The following RAMP1 variants were observed in gnomAD, a reference collection of about 807,000 sequenced individuals.
RAMP1 encodes receptor activity-modifying protein 1.
In RAMP1, 7 loss-of-function variants were observed where a neutral mutation model predicts 8.2. The ratio of observed to expected loss-of-function variants is 0.85; its 90% CI spans 0.49 to 1.60. The LOEUF is 1.60. Among genes scored for constraint, RAMP1 ranks in the 40% most tolerant of loss-of-function variants. RAMP1 has a pLI of 0.00. For synonymous variants in RAMP1, 92 were observed against 84.7 expected (o/e 1.09, Z -0.47); for missense variants, 192 against 202.4 (o/e 0.95, Z 0.31).
chr2:237,879,771 A>G lies in RAMP1; in HGVS notation c.191+2409A>G, dbSNP rs561359835. 2.3e-3 allele frequency among the ~76,000 whole-genome samples: 338 copies of G among 149,460 alleles called. 1 individual carries two copies. Among genetic ancestry groups the G allele is most frequent in the African/African-American group, 8.0e-3 (327 of 40,926 alleles). ...TTGGGAGGTCAAGGCGGGTGGATCA[A>G]CTGAGGTCAGGAGTTCCAGACCAGC... On this transcript the variant is annotated intron_variant, in intron 2 of 2. Coordinates refer to ENST00000254661, the MANE Select transcript of RAMP1 (RefSeq NM_005855.4).
intron 2 of RAMP1, among the ~76,000 whole-genome samples, chr2:237,897,700 G>T (rs750788044): frequency 4.6e-5 from 7 of 151,352 alleles, no homozygotes; most frequent in Admixed American, 2.6e-4. Context: ...ACAGATCCAC[G>T]TGTCTTAGTG....
rs2062181501 is a variant in RAMP1 at position 237,865,746 on chromosome 2, A to C, written c.52+6019A>C. Among the ~76,000 whole-genome samples, 1 of 152,142 alleles carries C rather than the reference A, an allele frequency of 6.6e-6. No individual in the cohort carries two copies. The highest frequency in any genetic ancestry group is 6.5e-5 in the Admixed American group (1 of 15,274). On this transcript the variant is annotated intron_variant, in intron 1 of 2. Coordinates refer to ENST00000254661, the MANE Select transcript of RAMP1 (RefSeq NM_005855.4). The surrounding 1 kb of genome is among the most constrained non-coding windows in gnomAD (Gnocchi z 4.2). ...GGAGGGGTGACCGGTGAGAGTGGGTAGAAACAGGCCCAGGCTCCTTGTGAG... is the reference window on the plus strand; with the variant it reads ...GGAGGGGTGACCGGTGAGAGTGGGTCGAAACAGGCCCAGGCTCCTTGTGAG...
chr2:237,896,947 CCT>C, intron 2 of RAMP1, among the ~76,000 whole-genome samples: 1 of 152,314 alleles, frequency 6.6e-6, no homozygotes, highest in African/African-American at 2.4e-5. Context: ...CTGCACCCAG[CCT>C]CTTAGACTTT....
At chr2:237,896,536 A>G (rs2062544243) in intron 2 of RAMP1, among the ~76,000 whole-genome samples, 1 of 152,232 alleles carries the variant, frequency 6.6e-6, no homozygotes, top group African/African-American at 2.4e-5. Context: ...GGACCTCCCC[A>G]TCACCTCAGC....
intron 1 of RAMP1, among the ~76,000 whole-genome samples, chr2:237,870,175 C>A (rs2062230773): frequency 6.6e-6 from 1 of 152,224 alleles, no homozygotes; most frequent in South Asian, 2.1e-4. Flanking sequence ...TTTGGATGTT[C>A]CCCGGAGTCA....
chr2:237,887,966 T>TA (rs1199924238), intron 2 of RAMP1, among the ~76,000 whole-genome samples: 1 of 152,048 alleles, frequency 6.6e-6, no homozygotes, highest in Admixed American at 6.5e-5. Flanking sequence ...TTTGTTTTTT[T>TA]AAAAAAGATT....
At chr2:237,909,809 G>A (rs1297831206) in intron 2 of RAMP1, among the ~76,000 whole-genome samples, 2 of 152,148 alleles carry the variant, frequency 1.3e-5, no homozygotes, top group Admixed American at 6.5e-5. Context: ...AACAGATGGC[G>A]TTTGCTCTCC....
intron 2 of RAMP1, among the ~76,000 whole-genome samples, chr2:237,910,585 A>G (rs959185263): frequency 6.8e-6 from 1 of 148,032 alleles, no homozygotes; most frequent in Admixed American, 6.6e-5. Context: ...TTACACAGTC[A>G]CACAGAATAA....
At chr2:237,859,906 C>A in intron 1 of RAMP1, 179 bp downstream of exon 1, 1 of 553,828 alleles carries the variant, frequency 1.8e-6, no homozygotes, top group Non-Finnish European at 2.9e-6. Flanking sequence ...GGCCCCAGGG[C>A]ACAGGGGAGG....
chr2:237,878,084 C>A lies in RAMP1; in HGVS notation c.191+722C>A. ...CTTGTTTCTGCCTCCGTGGGAGGCG[C>A]TGGGGTGTCCTGGGGCTGCAGTGGG... On this transcript the variant is annotated intron_variant, in intron 2 of 2. Transcript: ENST00000254661. This position sits in a 1 kb window ranked among gnomAD's most constrained non-coding sequence, Gnocchi z 5.7. The A allele has an allele frequency of 1.0e-6, 1 of 985,464 alleles. No individual in the cohort carries two copies. The highest frequency in any genetic ancestry group is 1.2e-6 in the Non-Finnish European group (1 of 829,926). 61.0% of individuals were successfully genotyped at this position (985,464 alleles called of 1,614,324 possible).
chr2:237,880,554 A>G (rs1319931168), intron 2 of RAMP1, among the ~76,000 whole-genome samples: 2 of 152,224 alleles, frequency 1.3e-5, no homozygotes, highest in South Asian at 2.1e-4. Flanking sequence ...GGAACCATAC[A>G]GGTGCTAGAA....
At chr2:237,908,191 A>G (rs938378808) in intron 2 of RAMP1, among the ~76,000 whole-genome samples, 2 of 151,780 alleles carry the variant, frequency 1.3e-5, no homozygotes, top group South Asian at 4.2e-4. Context: ...CATGGATCTT[A>G]CCCCACTTTC....
At chr2:237,875,265 C>A (rs1293810994) in intron 1 of RAMP1, among the ~76,000 whole-genome samples, 1 of 152,156 alleles carries the variant, frequency 6.6e-6, no homozygotes, top group African/African-American at 2.4e-5. Flanking sequence ...GCATCCACAG[C>A]GGGCCCAGCC....
In RAMP1 at chr2:237,865,199, G is replaced by A. The variant is rs1395138108; in HGVS notation, c.52+5472G>A. 1.3e-5 allele frequency among the ~76,000 whole-genome samples: 2 copies of A among 151,308 alleles called. No individual in the cohort carries two copies. Among genetic ancestry groups the A allele is most frequent in the African/African-American group, 4.9e-5 (2 of 41,142 alleles). ...TGGATGCAGGAAGTGAGGCAGCGCT[G>A]AGGAATGAAGAACAGCACCTGGCAG... On this transcript the variant is annotated intron_variant, in intron 1 of 2. Transcript: ENST00000254661. The surrounding 1 kb of genome is among the most constrained non-coding windows in gnomAD (Gnocchi z 4.2).
chr2:237,877,416 A>T lies in RAMP1; in HGVS notation c.191+54A>T. ...ACACGGTTGGGGAGGGAGAGGGGGC[A>T]AGCGGAGGAGGAGTGGACCACGTGG... On this transcript the variant is annotated intron_variant, in intron 2 of 2. Coordinates refer to ENST00000254661, the MANE Select transcript of RAMP1 (RefSeq NM_005855.4). The surrounding 1 kb of genome is among the most constrained non-coding windows in gnomAD (Gnocchi z 4.4). 6.3e-7 allele frequency: 1 copy of T among 1,576,474 alleles called. No homozygotes were observed. The highest frequency in any genetic ancestry group is 1.3e-5 in the African/African-American group (1 of 74,474).
chr2:237,867,425 A>T (rs1171467945), intron 1 of RAMP1, among the ~76,000 whole-genome samples: 1 of 150,088 alleles, frequency 6.7e-6, no homozygotes, highest in African/African-American at 2.5e-5. Context: ...GTCAAGAGTT[A>T]ACACCTTAAA....
rs752441564 is a variant in RAMP1 at position 237,911,670 on chromosome 2, C to CG, written c.337dup (p.Asp113GlyfsTer33). Reference sequence around the variant, plus strand: ...CTGCCCCATCTCAGGCAGGGCCGTGCGGGACCCGCCCGGCAGCATCCTCTA... The same window carrying CG: ...CTGCCCCATCTCAGGCAGGGCCGTGCGGGGACCCGCCCGGCAGCATCCTCTA... On this transcript the variant is annotated frameshift_variant, in exon 3 of 3. Transcript: ENST00000254661. LOFTEE classifies it high-confidence loss of function. 1.6e-5 allele frequency: 26 copies of CG among 1,613,284 alleles called. No homozygotes were observed. The highest frequency in any genetic ancestry group is 5.9e-6 in the Non-Finnish European group (7 of 1,179,488).
intron 2 of RAMP1, among the ~76,000 whole-genome samples, chr2:237,906,169 C>T (rs563704234): frequency 7.6e-4 from 116 of 152,248 alleles, no homozygotes; most frequent in African/African-American, 2.6e-3. Flanking sequence ...AGACTCAAAC[C>T]GTCACGACTT....
chr2:237,910,026 T>G (rs1289164762), intron 2 of RAMP1, among the ~76,000 whole-genome samples: 5 of 151,924 alleles, frequency 3.3e-5, no homozygotes, highest in Non-Finnish European at 7.4e-5. Context: ...CCACCTCCAC[T>G]CCCTTCCTTC....
Sources: gnomAD v4.1 joint callset for allele counts (sites outside exome capture counted in the v4.1 genomes callset) on GRCh38, gnomAD v4.1.1 for gene constraint, Gnocchi (gnomAD v3.1) non-coding constraint, MANE v1.5 for transcripts, NCBI Gene and HGNC (gene_info 2026-07-23, HGNC 2026-07-21) for gene names.